Variants in GRIK1 observed in about 807,000 individuals in gnomAD.
GRIK1 encodes the protein glutamate ionotropic receptor kainate type subunit 1.
In GRIK1, 69 loss-of-function variants were observed where a neutral mutation model predicts 105.7. The ratio of observed to expected loss-of-function variants is 0.65; its 90% CI spans 0.54 to 0.80. The LOEUF is 0.80. Ranked by LOEUF, GRIK1 falls within the 30% of genes least tolerant of loss-of-function variation. The pLI is 0.00. For synonymous variants in GRIK1, 438 were observed against 431.3 expected (o/e 1.02, Z -0.19); for missense variants, 1,109 against 1,167.3 (o/e 0.95, Z 0.73).
chr21:29,693,965 G>A lies in GRIK1; in HGVS notation c.217C>T (p.Pro73Ser), dbSNP rs1463326676. 1.2e-6 allele frequency: 2 copies of A among 1,611,808 alleles called. No homozygotes were observed. The highest frequency in any genetic ancestry group is 1.7e-5 in the Admixed American group (1 of 60,010). The change falls in exon 2 of 18, where the codon CCT (proline) becomes TCT (serine). Residue 73 changes from proline to serine, a missense_variant. Coordinates refer to ENST00000327783, the MANE Select transcript of GRIK1 (RefSeq NM_001330994.2). ...TSINRNRTLM[P>S]NTTLTYDIQR... Reference sequence around the variant, plus strand: ...ATGTCATAGGTTAATGTGGTGTTAGGCATCAGGGTTCGGTTTCTGTTAATG... The same window carrying A: ...ATGTCATAGGTTAATGTGGTGTTAGACATCAGGGTTCGGTTTCTGTTAATG...
chr21:29,764,799 G>A (rs1601634177), intron 1 of GRIK1, among the ~76,000 whole-genome samples: 1 of 152,160 alleles, frequency 6.6e-6, no homozygotes, highest in African/African-American at 2.4e-5. Flanking sequence ...ACTTCCTTTT[G>A]ATAGTTTGGA....
intron 7 of GRIK1, among the ~76,000 whole-genome samples, chr21:29,638,496 T>A (rs2062444075): frequency 6.6e-6 from 1 of 152,080 alleles, no homozygotes; most frequent in Non-Finnish European, 1.5e-5. Context: ...ACCATATCAG[T>A]TGTACAAAGA....
intron 1 of GRIK1, among the ~76,000 whole-genome samples, chr21:29,804,936 A>G (rs1441818892): frequency 6.6e-6 from 1 of 152,132 alleles, no homozygotes. Flanking sequence ...CCCATTTTAC[A>G]TATTAGAAGG....
intron 1 of GRIK1, among the ~76,000 whole-genome samples, chr21:29,913,680 T>C (rs2070896930): frequency 2.0e-5 from 3 of 150,446 alleles, no homozygotes; most frequent in Admixed American, 2.0e-4. Context: ...TAAATATATA[T>C]ATATATATAT....
rs564213924 is a variant in GRIK1 at position 29,671,341 on chromosome 21, T to A, written c.726+1642A>T. ...GGTTTCACCATGTTGGCCAGGCTGG[T>A]CTCGAACTCCTGACCTCAAGTGATC... is the stretch of plus-strand genomic sequence containing the variant. On this transcript the variant is annotated intron_variant, in intron 4 of 17. Coordinates refer to ENST00000327783, the MANE Select transcript of GRIK1 (RefSeq NM_001330994.2). Among the ~76,000 whole-genome samples the A allele has an allele frequency of 2.6e-5, 4 of 152,036 alleles. No individual in the cohort carries two copies. In the East Asian group the frequency reaches 7.7e-4, roughly 29 times the overall value.
intron 14 of GRIK1, among the ~76,000 whole-genome samples, chr21:29,563,622 C>G (rs900073123): frequency 6.6e-6 from 1 of 152,142 alleles, no homozygotes; most frequent in African/African-American, 2.4e-5. Context: ...TAATGCTAAA[C>G]TTATAGTAAA....
intron 7 of GRIK1, among the ~76,000 whole-genome samples, chr21:29,609,487 G>A (rs1254660977): frequency 6.6e-6 from 1 of 152,194 alleles, no homozygotes; most frequent in African/African-American, 2.4e-5. Flanking sequence ...CGTTGTTTCT[G>A]GGTGTGTCTG....
At chr21:29,644,214 C>T (rs73900043) in intron 6 of GRIK1, among the ~76,000 whole-genome samples, 7,258 of 151,982 alleles carry the variant, frequency 0.048, 428 homozygotes, top group African/African-American at 0.14. Context: ...TTTGAGGTCA[C>T]GGAATACCTC....
intron 1 of GRIK1, among the ~76,000 whole-genome samples, chr21:29,882,376 A>G (rs1358774124): frequency 1.3e-5 from 2 of 152,026 alleles, no homozygotes; most frequent in African/African-American, 4.8e-5. Context: ...TCTATTGCCT[A>G]TTTCCTTCTG....
Position 29,537,873 on chromosome 21 carries a change from T to A in GRIK1, c.2619A>T (p.Ser873=), listed in dbSNP as rs757445514. The A allele has an allele frequency of 2.3e-6, 3 of 1,329,004 alleles. No homozygotes were observed. The highest frequency in any genetic ancestry group is 2.3e-5 in the East Asian group (1 of 43,600). 82.3% of individuals were successfully genotyped at this position (1,329,004 alleles called of 1,614,324 possible). The change falls in exon 17 of 18, where the codon TCA becomes TCT. Residue 873 remains serine, a synonymous_variant. Coordinates refer to ENST00000327783, the MANE Select transcript of GRIK1 (RefSeq NM_001330994.2). ...KNNDIEQKGK[S]SRIRFYFRNK... ...TCCTAAAATAAAATCTAATTCTTGA[T>A]GACTTTCCTTTCTGATAAAAAAAAA...
intron 5 of GRIK1, among the ~76,000 whole-genome samples, chr21:29,652,972 A>G (rs2062771538): frequency 6.6e-6 from 1 of 152,262 alleles, no homozygotes; most frequent in South Asian, 2.1e-4. Flanking sequence ...GTGCTCCGAG[A>G]TCAGTATCAG....
chr21:29,769,391 G>C (rs1034146733), intron 1 of GRIK1, among the ~76,000 whole-genome samples: 1 of 152,108 alleles, frequency 6.6e-6, no homozygotes, highest in Non-Finnish European at 1.5e-5. Flanking sequence ...AACCTTTTTG[G>C]CATGAGAAAC....
intron 14 of GRIK1, among the ~76,000 whole-genome samples, chr21:29,576,366 G>A (rs2090893738): frequency 1.3e-5 from 2 of 152,158 alleles, no homozygotes; most frequent in Admixed American, 1.3e-4. Context: ...TTCTCCTGCG[G>A]TGCCTCCGAA....
At chr21:29,651,005 A>G in intron 6 of GRIK1, 113 bp downstream of exon 6, 1 of 719,208 alleles carries the variant, frequency 1.4e-6, no homozygotes, top group Non-Finnish European at 2.1e-6. Flanking sequence ...TCTCTACTGC[A>G]AGTCAAGGCA....
intron 9 of GRIK1, 101 bp downstream of exon 9, chr21:29,596,425 G>T: frequency 2.4e-6 from 2 of 817,520 alleles, no homozygotes; most frequent in South Asian, 1.3e-5. Flanking sequence ...AACTGCAATT[G>T]GAGAGCTACA....
intron 1 of GRIK1, among the ~76,000 whole-genome samples, chr21:29,853,610 A>C (rs1168340369): frequency 6.6e-6 from 1 of 152,246 alleles, no homozygotes; most frequent in Admixed American, 6.5e-5. Context: ...AAAATAGGCC[A>C]ACTATGCTTT....
chr21:29,577,204 AG>A (rs2090916473), intron 13 of GRIK1, 23 bp from the exon 14 acceptor site: 1 of 1,337,646 alleles, frequency 7.5e-7, no homozygotes, highest in East Asian at 2.3e-5. Flanking sequence ...CATCAGAGTA[AG>A]GGTGTTAAAC....
intron 6 of GRIK1, among the ~76,000 whole-genome samples, chr21:29,649,259 C>T (rs956342806): frequency 6.6e-6 from 1 of 152,088 alleles, no homozygotes; most frequent in African/African-American, 2.4e-5. Context: ...CATACTGGGG[C>T]CTGCATCCTA....
intron 1 of GRIK1, among the ~76,000 whole-genome samples, chr21:29,742,101 ACT>A (rs1221136282): frequency 6.6e-6 from 1 of 152,118 alleles, no homozygotes; most frequent in Non-Finnish European, 1.5e-5. Context: ...TAGTTGCAAA[ACT>A]CTGACAAGGA....
Sources: gnomAD v4.1 joint callset for allele counts (sites outside exome capture counted in the v4.1 genomes callset) on GRCh38, gnomAD v4.1.1 for gene constraint, MANE v1.5 for transcripts, NCBI Gene and HGNC (gene_info 2026-07-23, HGNC 2026-07-21) for gene names.